Variants in KIAA1328 observed in about 807,000 individuals in gnomAD.
KIAA1328 encodes the protein protein hinderin.
A neutral mutation model predicts 68.1 loss-of-function variants in KIAA1328; 52 were observed. That is an observed-to-expected ratio of 0.76 (90% CI 0.61 to 0.96). The LOEUF is 0.96. Among genes scored for constraint, KIAA1328 ranks in the 40% least tolerant of loss-of-function variants. The pLI is 0.00. For synonymous variants in KIAA1328, 232 were observed against 239.4 expected, an observed-to-expected ratio of 0.97 and a Z score of 0.28; for missense variants, 641 against 677.6, an observed-to-expected ratio of 0.95 and a Z score of 0.60.
intron 9 of KIAA1328, among the ~76,000 whole-genome samples, chr18:37,185,065 C>G (rs2059769408): frequency 1.3e-5 from 2 of 151,794 alleles, no homozygotes; most frequent in Admixed American, 6.6e-5. Flanking sequence ...ACTTGGGAGG[C>G]TGAGGCAGGA....
chr18:36,894,015 C>T (rs1216391185), intron 5 of KIAA1328, among the ~76,000 whole-genome samples: 2 of 152,050 alleles, frequency 1.3e-5, no homozygotes, highest in African/African-American at 2.4e-5. Flanking sequence ...CATTTTTAAT[C>T]TTCATAATAG....
intron 4 of KIAA1328, among the ~76,000 whole-genome samples, chr18:36,845,639 GA>G (rs1298599777): frequency 6.6e-6 from 1 of 151,716 alleles, no homozygotes; most frequent in Non-Finnish European, 1.5e-5. Flanking sequence ...ATATTAAGAA[GA>G]GAACGTGATG....
At chr18:36,885,707 A>G in intron 5 of KIAA1328, 35 bp downstream of exon 5, 1 of 1,356,458 alleles carries the variant, frequency 7.4e-7, no homozygotes, top group Non-Finnish European at 1.0e-6. Flanking sequence ...TTAACGTTCA[A>G]GAAGTTTGAC....
At chr18:37,229,787 G>A (rs2060656585), downstream of KIAA1328, 1 of 191,992 alleles carries the variant, frequency 5.2e-6, no homozygotes, top group Non-Finnish European at 1.1e-5. Flanking sequence ...TCAGGAGGCT[G>A]AGGCAGGAGA....
intron 6 of KIAA1328, among the ~76,000 whole-genome samples, chr18:37,044,492 T>G: frequency 6.6e-6 from 1 of 152,060 alleles, no homozygotes. Flanking sequence ...GAAATGATAT[T>G]GGGCCAAAAA....
chr18:37,142,398 G>A (rs540940957), intron 7 of KIAA1328, among the ~76,000 whole-genome samples: 100 of 152,032 alleles, frequency 6.6e-4, no homozygotes, highest in Non-Finnish European at 1.1e-3. Flanking sequence ...CACTAGGTCG[G>A]CCAGGCTGTT....
At chr18:37,040,888 C>T (rs1052222476) in intron 6 of KIAA1328, among the ~76,000 whole-genome samples, 4 of 151,334 alleles carry the variant, frequency 2.6e-5, no homozygotes, top group Non-Finnish European at 5.9e-5. Flanking sequence ...TGATTTAAAT[C>T]TATAATGATT....
At chr18:37,201,836 C>T (rs1181283969) in intron 9 of KIAA1328, among the ~76,000 whole-genome samples, 1 of 152,128 alleles carries the variant, frequency 6.6e-6, no homozygotes, top group African/African-American at 2.4e-5. Flanking sequence ...GGTCAGGAAC[C>T]TTGTAGGGAT....
chr18:36,835,682 G>C (rs1168030502), intron 3 of KIAA1328, among the ~76,000 whole-genome samples: 1 of 152,148 alleles, frequency 6.6e-6, no homozygotes, highest in African/African-American at 2.4e-5. Flanking sequence ...GATGAGAATT[G>C]CTTTTTAATT....
intron 6 of KIAA1328, among the ~76,000 whole-genome samples, chr18:36,975,654 A>C (rs997092989): frequency 3.3e-5 from 5 of 152,208 alleles, no homozygotes; most frequent in African/African-American, 1.2e-4. Flanking sequence ...TCTTCTCATA[A>C]GTTAACTTCC....
chr18:37,021,401 A>G (rs1177623754), intron 6 of KIAA1328, among the ~76,000 whole-genome samples: 2 of 152,232 alleles, frequency 1.3e-5, no homozygotes, highest in African/African-American at 4.8e-5. Flanking sequence ...TAAGCAGAAC[A>G]TTAGTGGCAA....
At chr18:36,859,912 G>T (rs1174699293) in intron 4 of KIAA1328, among the ~76,000 whole-genome samples, 1 of 143,626 alleles carries the variant, frequency 7.0e-6, no homozygotes, top group Non-Finnish European at 1.5e-5. Context: ...GTAACTCATT[G>T]ATTTTCATTT....
chr18:37,148,866 T>A (rs1390472026), intron 7 of KIAA1328, among the ~76,000 whole-genome samples: 1 of 152,172 alleles, frequency 6.6e-6, no homozygotes, highest in Non-Finnish European at 1.5e-5. Context: ...TTGTGGATAT[T>A]AGACCTTTGT....
chr18:37,118,371 G>C (rs545786048), intron 7 of KIAA1328, among the ~76,000 whole-genome samples: 77 of 152,206 alleles, frequency 5.1e-4, no homozygotes, highest in African/African-American at 1.8e-3. Flanking sequence ...ATGGTTCTTT[G>C]TCTAGTGTAG....
chr18:36,879,459 A>G (rs1281671347), intron 4 of KIAA1328, among the ~76,000 whole-genome samples: 2 of 151,162 alleles, frequency 1.3e-5, no homozygotes, highest in South Asian at 4.2e-4. Flanking sequence ...GTGTCTGTCA[A>G]CCTCTGCTGG....
At chr18:37,207,065 GA>G (rs2060229644) in intron 9 of KIAA1328, among the ~76,000 whole-genome samples, 1 of 152,150 alleles carries the variant, frequency 6.6e-6, no homozygotes, top group South Asian at 2.1e-4. Context: ...CAAAAAGGTA[GA>G]AAAAGAAAGA....
Position 37,160,287 on chromosome 18 carries a change from T to G in KIAA1328, c.1320T>G (p.Asn440Lys). Residue 440 changes from asparagine to lysine, a missense_variant, in exon 8 of 10, where the codon AAT (asparagine) becomes AAG (lysine). Asn to Lys is a moderately conservative substitution (Grantham distance 94). Transcript: ENST00000280020. Reference sequence around the variant, plus strand: ...AAGACCCCCCAAACAGTGGAGAGAATAGGAAGGAGAGGAAGACAGTTGGGT... The same window carrying G: ...AAGACCCCCCAAACAGTGGAGAGAAGAGGAAGGAGAGGAAGACAGTTGGGT... ...KHQDPPNSGE[N>K]RKERKTVGFH... The G allele has an allele frequency of 1.2e-6, 2 of 1,613,466 alleles. No homozygotes were observed. The highest frequency in any genetic ancestry group is 1.7e-6 in the Non-Finnish European group (2 of 1,179,654).
At position 37,142,638 on chromosome 18, in the gene KIAA1328, CCACA is replaced by C. The variant is rs543145826; in HGVS notation, c.1233-17555_1233-17552del. Among the ~76,000 whole-genome samples the C allele has an allele frequency of 4.0e-3, 609 of 152,066 alleles. 3 individuals carry two copies. The highest frequency in any genetic ancestry group is 7.4e-3 in the Non-Finnish European group (503 of 67,932). ...ACACACACAAACACACACACACACC[CCACA>C]CACACAGATTTATGGACTTCTGTTT... On this transcript the variant is annotated intron_variant, in intron 7 of 9. Transcript: ENST00000280020.
At chr18:37,131,699 G>GT (rs1301438490) in intron 7 of KIAA1328, among the ~76,000 whole-genome samples, 1 of 152,186 alleles carries the variant, frequency 6.6e-6, no homozygotes, top group African/African-American at 2.4e-5. Flanking sequence ...CAACTATACA[G>GT]TAGTGCCTGT....
Sources: gnomAD v4.1 joint callset for allele counts (sites outside exome capture counted in the v4.1 genomes callset) on GRCh38, gnomAD v4.1.1 for gene constraint, MANE v1.5 for transcripts, NCBI Gene and HGNC (gene_info 2026-07-23, HGNC 2026-07-21) for gene names.